The following CELA2A variants were observed in gnomAD, a reference collection of about 807,000 sequenced individuals.
The protein encoded by CELA2A is chymotrypsin-like elastase family member 2A.
Under a neutral mutation model 35.3 loss-of-function variants are expected in CELA2A, and 31 were observed. The ratio of observed to expected loss-of-function variants is 0.88; its 90% CI spans 0.66 to 1.19. The LOEUF is 1.19. Among genes scored for constraint, CELA2A ranks in the 50% most tolerant of loss-of-function variants. The probability of loss-of-function intolerance (pLI) is 0.00; values close to 1 mark genes in which losing one functional copy is unlikely to be tolerated. For synonymous variants in CELA2A, 150 were observed against 149.8 expected (o/e 1.00, Z -0.01); for missense variants, 330 against 352.9 (o/e 0.94, Z 0.52).
intron 5 of CELA2A, 123 bp from the exon 6 acceptor site, chr1:15,465,876 C>A (rs1313204476): frequency 4.4e-6 from 5 of 1,147,346 alleles, no homozygotes; most frequent in Non-Finnish European, 6.4e-6. Context: ...TATAGACAAA[C>A]GTGGCTGTTC....
chr1:15,465,596 G>A (rs772006165), intron 5 of CELA2A, among the ~76,000 whole-genome samples: 5 of 152,212 alleles, frequency 3.3e-5, no homozygotes, highest in Non-Finnish European at 5.9e-5. Context: ...CAAGGGCAGA[G>A]ATACAGCCAG....
At chr1:15,461,528 AC>A (rs766209086) in intron 2 of CELA2A, 32 bp from the exon 3 acceptor site, 1 of 1,611,018 alleles carries the variant, frequency 6.2e-7, no homozygotes. Context: ...GCTCTTTCAA[AC>A]CTAGCCACAG....
chr1:15,457,052 GCTTCC>G, intron 1 of CELA2A, 29 bp from the exon 2 acceptor site: 1 of 1,592,166 alleles, frequency 6.3e-7, no homozygotes, highest in Non-Finnish European at 8.6e-7. Context: ...GTGGGTCGCT[GCTTCC>G]TGACTCAAGA....
rs372947070 is a variant in CELA2A, at chr1:15,461,640, C to T, written c.209C>T (p.Thr70Met). The T allele has an allele frequency of 1.1e-4, 177 of 1,613,696 alleles. 2 individuals carry two copies. The highest frequency in any genetic ancestry group is 1.1e-3 in the South Asian group (96 of 91,064). Residue 70 changes from threonine (T) to methionine (M), a missense_variant, in exon 3 of 8, where the codon ACG (threonine) becomes ATG (methionine). Physicochemically the swap from Thr to Met is moderately conservative, Grantham distance 81. Coordinates refer to ENST00000359621, the MANE Select transcript of CELA2A (RefSeq NM_033440.3). ...CTGATAGCCAACAGCTGGGTCCTGA[C>T]GGCTGCCCACTGCATCAGGTAACTG... ...GSLIANSWVLTAAHCISSSRT... is the reference protein window; with the variant it reads ...GSLIANSWVLMAAHCISSSRT...
At position 15,470,260 on chromosome 1, in the gene CELA2A, A is replaced by G. The variant is rs139472468; in HGVS notation, c.793-1730A>G. On this transcript the variant is annotated intron_variant, in intron 7 of 7. Transcript: ENST00000359621. ...CACAGTGTGTGCAGCCTGGAGTCAC[A>G]TACCACTAGAGCCCTGGGGGTGCCT... 3.2e-3 allele frequency among the ~76,000 whole-genome samples: 492 copies of G among 152,234 alleles called. 4 individuals carry two copies. Among genetic ancestry groups the G allele is most frequent in the African/African-American group, 0.01 (429 of 41,556 alleles).
chr1:15,457,324 A>G, intron 2 of CELA2A, 150 bp downstream of exon 2: 1 of 749,884 alleles, frequency 1.3e-6, no homozygotes, highest in Non-Finnish European at 2.2e-6. Context: ...AATAAGATAT[A>G]TTTCCGGCTG....
At chr1:15,465,701 T>C (rs1470617940) in intron 5 of CELA2A, among the ~76,000 whole-genome samples, 2 of 152,118 alleles carry the variant, frequency 1.3e-5, no homozygotes, top group African/African-American at 4.8e-5. Flanking sequence ...TCTACTTCAT[T>C]CTCCACATAA....
At chr1:15,460,582 G>A (rs1276635308) in intron 2 of CELA2A, among the ~76,000 whole-genome samples, 1 of 151,544 alleles carries the variant, frequency 6.6e-6, no homozygotes, top group Non-Finnish European at 1.5e-5. Flanking sequence ...GAGGAATGAA[G>A]GAACAGGAAG....
intron 1 of CELA2A, 85 bp downstream of exon 1, chr1:15,456,878 C>T (rs1449966269): frequency 1.9e-6 from 3 of 1,548,054 alleles, no homozygotes; most frequent in South Asian, 1.1e-5. Context: ...CTCTCGCCCC[C>T]ACCCAACCCC....
At chr1:15,462,254 C>T (rs775262794) in intron 3 of CELA2A, 7 of 466,096 alleles carry the variant, frequency 1.5e-5, no homozygotes, top group Admixed American at 2.4e-5. Flanking sequence ...TTCTCCCATC[C>T]GATTTATAAT....
chr1:15,463,324 C>T, intron 4 of CELA2A, 62 bp from the exon 5 acceptor site: 1 of 1,608,700 alleles, frequency 6.2e-7, no homozygotes, highest in South Asian at 1.1e-5. Context: ...CCAAGCCCTC[C>T]AAAGCCCACA....
rs760622116 is a variant in CELA2A at position 15,466,127 on chromosome 1, G to A, written c.622G>A (p.Val208Met). The A allele has an allele frequency of 2.5e-5, 41 of 1,613,814 alleles. No homozygotes were observed. The highest frequency in any genetic ancestry group is 2.5e-4 in the African/African-American group (19 of 74,916). The change falls in exon 6 of 8, where the codon GTG (valine) becomes ATG (methionine). Residue 208 changes from valine (V) to methionine (M), a missense_variant. Physicochemically the swap from Val to Met is conservative, Grantham distance 21. Transcript: ENST00000359621. ...TATGATCTGTGCTGGGGGTGATGGC[G>A]TGATCTCCAGCTGCAACGTGAGTAC... is the stretch of plus-strand genomic sequence containing the variant. Reference protein sequence around the residue: ...TSMICAGGDGVISSCNGDSGG... With the variant: ...TSMICAGGDGMISSCNGDSGG...
At chr1:15,465,751 T>C (rs1054381849) in intron 5 of CELA2A, among the ~76,000 whole-genome samples, 1 of 152,146 alleles carries the variant, frequency 6.6e-6, no homozygotes, top group African/African-American at 2.4e-5. Context: ...CCCAGAATTA[T>C]GTCCTCTGAA....
chr1:15,471,968 G>A (rs374195295), intron 7 of CELA2A, 22 bp from the exon 8 acceptor site: 18 of 1,613,970 alleles, frequency 1.1e-5, no homozygotes, highest in South Asian at 2.2e-5. Context: ...TGAACCTGAC[G>A]ATTATCTTGT....
At chr1:15,470,517 T>C (rs1708575976) in intron 7 of CELA2A, among the ~76,000 whole-genome samples, 1 of 152,156 alleles carries the variant, frequency 6.6e-6, no homozygotes, top group Non-Finnish European at 1.5e-5. Flanking sequence ...GAGTATCAGG[T>C]AAAAAAGTAA....
chr1:15,462,653 A>T, intron 3 of CELA2A, 80 bp from the exon 4 acceptor site: 1 of 1,550,628 alleles, frequency 6.4e-7, no homozygotes, highest in Non-Finnish European at 8.7e-7. Flanking sequence ...CGCAGCAGCC[A>T]GTTACTTGGG....
At chr1:15,459,492 C>T (rs1708405434) in intron 2 of CELA2A, among the ~76,000 whole-genome samples, 2 of 152,098 alleles carry the variant, frequency 1.3e-5, no homozygotes, top group South Asian at 4.1e-4. Flanking sequence ...GCTTTGTGTG[C>T]TTTTGCCAGT....
Position 15,469,858 on chromosome 1 carries a change from T to A in CELA2A, c.793-2132T>A, listed in dbSNP as rs532535047. ...TCTCAGCCAAATCCTAAGACCGTTT[T>A]CCAGCCCCAGCTGCTGTGGGAGTCA... On this transcript the variant is annotated intron_variant, in intron 7 of 7. Transcript: ENST00000359621. Among the ~76,000 whole-genome samples the A allele has an allele frequency of 1.6e-3, 241 of 152,222 alleles. 2 individuals carry two copies. Among genetic ancestry groups the A allele is most frequent in the African/African-American group, 5.7e-3 (236 of 41,554 alleles).
intron 2 of CELA2A, among the ~76,000 whole-genome samples, chr1:15,461,315 G>T (rs749293010): frequency 2.0e-5 from 3 of 152,168 alleles, no homozygotes; most frequent in Non-Finnish European, 2.9e-5. Flanking sequence ...TCCTTCCTTG[G>T]CCTCCCGAAG....
Sources: allele counts gnomAD v4.1 joint callset (sites outside exome capture counted in the v4.1 genomes callset), GRCh38; gene constraint gnomAD v4.1.1; transcripts MANE v1.5; gene names NCBI Gene and HGNC (gene_info 2026-07-23, HGNC 2026-07-21).